CC2D2A: variants seen among roughly 807,000 people sequenced by gnomAD.
The protein encoded by CC2D2A is coiled-coil and C2 domain-containing protein 2A.
Under a neutral mutation model 212.9 loss-of-function variants are expected in CC2D2A, and 155 were observed. That is an observed-to-expected ratio of 0.73 (90% CI 0.64 to 0.83). The LOEUF is 0.83. CC2D2A is among the 40% of genes least tolerant of loss of function. CC2D2A has a pLI of 0.00. For missense variants in CC2D2A, 1,856 were observed against 1,956.2 expected (o/e 0.95, Z 0.97); for synonymous variants, 667 against 686.5 (o/e 0.97, Z 0.44).
intron 1 of CC2D2A, among the ~76,000 whole-genome samples, chr4:15,473,732 C>A (rs770386017): frequency 1.3e-5 from 2 of 152,080 alleles, no homozygotes; most frequent in Non-Finnish European, 2.9e-5. Context: ...GGTGTTTGAC[C>A]ATGGTGATAA....
At chr4:15,514,352 T>TA (rs1716737966) in intron 8 of CC2D2A, among the ~76,000 whole-genome samples, 1 of 152,204 alleles carries the variant, frequency 6.6e-6, no homozygotes, top group South Asian at 2.1e-4. Flanking sequence ...GGTGGAAGGT[T>TA]AAACTGCTAC....
At chr4:15,601,175 T>C in intron 36 of CC2D2A, 62 bp from the exon 37 acceptor site, 3 of 1,326,290 alleles carry the variant, frequency 2.3e-6, no homozygotes, top group Non-Finnish European at 3.2e-6. Flanking sequence ...TACATTTACG[T>C]AGGAAAAAAT....
intron 24 of CC2D2A, among the ~76,000 whole-genome samples, chr4:15,564,756 C>A (rs1257980391): frequency 6.6e-6 from 1 of 152,118 alleles, no homozygotes; most frequent in African/African-American, 2.4e-5. Context: ...CAGCTCACTG[C>A]AACCTCGACC....
At chr4:15,484,765 G>A (rs1577315693) in intron 4 of CC2D2A, among the ~76,000 whole-genome samples, 1 of 152,334 alleles carries the variant, frequency 6.6e-6, no homozygotes, top group East Asian at 1.9e-4. Flanking sequence ...GAAAGGGCAG[G>A]TTTGAAGGTA....
At chr4:15,559,034 A>C in intron 21 of CC2D2A, 131 bp from the exon 22 acceptor site, 1 of 674,474 alleles carries the variant, frequency 1.5e-6, no homozygotes, top group South Asian at 1.9e-5. Flanking sequence ...CTGAACCAAA[A>C]GTTAGGAAGA....
intron 11 of CC2D2A, among the ~76,000 whole-genome samples, chr4:15,524,158 C>T (rs1717364013): frequency 6.6e-6 from 1 of 152,164 alleles, no homozygotes; most frequent in South Asian, 2.1e-4. Flanking sequence ...TTTTGAGACA[C>T]AGCCTCGCTC....
At chr4:15,488,270 G>A (rs1715114977) in intron 4 of CC2D2A, among the ~76,000 whole-genome samples, 1 of 152,040 alleles carries the variant, frequency 6.6e-6, no homozygotes, top group Non-Finnish European at 1.5e-5. Context: ...CTTGGCTTTT[G>A]CTTGCCTTGA....
At chr4:15,519,910 G>A in intron 11 of CC2D2A, 1 of 229,944 alleles carries the variant, frequency 4.3e-6, no homozygotes, top group Non-Finnish European at 9.0e-6. Flanking sequence ...CACTGGGACT[G>A]CCTCCTTCAG....
intron 26 of CC2D2A, among the ~76,000 whole-genome samples, chr4:15,569,037 G>A (rs898336681): frequency 6.6e-6 from 1 of 152,200 alleles, no homozygotes; most frequent in Admixed American, 6.5e-5. Flanking sequence ...CCACAAGGGT[G>A]TGGGGGAATA....
chr4:15,583,619 A>T (rs1209236479), intron 30 of CC2D2A, among the ~76,000 whole-genome samples: 1 of 152,214 alleles, frequency 6.6e-6, no homozygotes, highest in Non-Finnish European at 1.5e-5. Flanking sequence ...CTAGGGATAA[A>T]CTTAACCAAT....
chr4:15,527,680 G>A (rs369164855), intron 12 of CC2D2A, 24 bp downstream of exon 12: 87 of 1,545,508 alleles, frequency 5.6e-5, no homozygotes, highest in Admixed American at 1.7e-4. Context: ...CTTCCATAAT[G>A]ATTGTCAATG....
At chr4:15,522,905 G>A (rs1717292419) in intron 11 of CC2D2A, among the ~76,000 whole-genome samples, 1 of 151,280 alleles carries the variant, frequency 6.6e-6, no homozygotes, top group South Asian at 2.1e-4. Context: ...GATCACCTGA[G>A]ATCAGGAGTT....
chr4:15,485,910 C>T (rs1479576334), intron 4 of CC2D2A, among the ~76,000 whole-genome samples: 1 of 152,046 alleles, frequency 6.6e-6, no homozygotes, highest in Admixed American at 6.6e-5. Context: ...TTTTTCACAT[C>T]TACTGAACTG....
At chr4:15,547,416 C>T (rs1263089330) in intron 17 of CC2D2A, among the ~76,000 whole-genome samples, 2 of 152,174 alleles carry the variant, frequency 1.3e-5, no homozygotes, top group African/African-American at 4.8e-5. Flanking sequence ...CTCCTTCTAA[C>T]TATATTTCTA....
intron 21 of CC2D2A, 115 bp from the exon 22 acceptor site, chr4:15,559,050 G>A (rs1389038935): frequency 1.4e-6 from 1 of 714,254 alleles, no homozygotes; most frequent in Non-Finnish European, 2.4e-6. Flanking sequence ...GAAGAAGGTG[G>A]AAGAAATATT....
intron 9 of CC2D2A, among the ~76,000 whole-genome samples, chr4:15,515,296 C>T (rs1307628239): frequency 6.6e-6 from 1 of 152,232 alleles, no homozygotes; most frequent in East Asian, 1.9e-4. Context: ...TCCAAGGCAG[C>T]AGGGGCCTGG....
In CC2D2A at chr4:15,507,077, C is replaced by CA. The variant is rs1176476871; in HGVS notation, c.439-3049dup. On this transcript the variant is annotated intron_variant, in intron 6 of 36. Transcript: ENST00000424120. ...TGGGTGACAGAACGAGACTCCATCT[C>CA]AAAAAAAAAAAAAGAAAAAAAAATC... is the stretch of plus-strand genomic sequence containing the variant. Among the ~76,000 whole-genome samples the CA allele has an allele frequency of 3.0e-3, 317 of 104,906 alleles. 1 individual carries two copies. Among genetic ancestry groups the CA allele is most frequent in the South Asian group, 6.8e-3 (23 of 3,376 alleles). The allele number at this position is 104,906 out of a possible 152,430, so 68.8% of individuals were successfully genotyped here.
At chr4:15,471,840 G>A (rs1158141665) in intron 1 of CC2D2A, among the ~76,000 whole-genome samples, 5 of 152,230 alleles carry the variant, frequency 3.3e-5, no homozygotes, top group South Asian at 2.1e-4. Context: ...GTTGAGATGC[G>A]TTGTATCTCA....
intron 17 of CC2D2A, among the ~76,000 whole-genome samples, chr4:15,550,484 A>G (rs1577368563): frequency 6.6e-6 from 1 of 152,190 alleles, no homozygotes; most frequent in African/African-American, 2.4e-5. Flanking sequence ...TACTGTCTGA[A>G]TACAACCTGA....
Sources: gnomAD v4.1 joint callset for allele counts (sites outside exome capture counted in the v4.1 genomes callset) on GRCh38, gnomAD v4.1.1 for gene constraint, MANE v1.5 for transcripts, NCBI Gene and HGNC (gene_info 2026-07-23, HGNC 2026-07-21) for gene names.